The following ZMYND11 variants were observed in gnomAD, a reference collection of about 807,000 sequenced individuals.
The protein encoded by ZMYND11 is zinc finger MYND-type containing 11.
ZMYND11 carries 9 observed loss-of-function variants against 84.9 expected under a neutral mutation model. The observed-to-expected ratio is 0.11, with a 90% confidence interval of 0.06 to 0.18. ZMYND11 has a LOEUF of 0.18. Among genes scored for constraint, ZMYND11 ranks in the 10% least tolerant of loss-of-function variants. ZMYND11 has a pLI of 1.00. For synonymous variants in ZMYND11, 250 were observed against 244.1 expected, an observed-to-expected ratio of 1.02 and a Z score of -0.23; for missense variants, 409 against 761.0, an observed-to-expected ratio of 0.54 and a Z score of 5.44.
Position 252,492 on chromosome 10 carries a change from C to G in ZMYND11, c.*22C>G. 6.2e-7 allele frequency: 1 copy of G among 1,601,958 alleles called. No individual in the cohort carries two copies. Among genetic ancestry groups the G allele is most frequent in the East Asian group, 2.2e-5 (1 of 44,686 alleles). Reference sequence around the variant, plus strand: ...ATGAAGCTGGCCCTTCCCGGAGTCACCCCGATGATTACTCTTTTCAGACAC... The same window carrying G: ...ATGAAGCTGGCCCTTCCCGGAGTCAGCCCGATGATTACTCTTTTCAGACAC... On this transcript the variant is annotated 3_prime_UTR_variant, in exon 15 of 15. Transcript: ENST00000381604. This position sits in a 1 kb window ranked among gnomAD's most constrained non-coding sequence, Gnocchi z 4.6.
chr10:181,354 C>T (rs1564330908), intron 2 of ZMYND11, among the ~76,000 whole-genome samples: 3 of 152,186 alleles, frequency 2.0e-5, no homozygotes, highest in African/African-American at 7.2e-5. Context: ...CTCAGTGGCT[C>T]ACGCCTGTAA....
intron 1 of ZMYND11, among the ~76,000 whole-genome samples, chr10:162,076 G>A (rs1015075072): frequency 2.0e-5 from 3 of 152,068 alleles, no homozygotes; most frequent in Admixed American, 6.6e-5. Context: ...GTGACTCTTC[G>A]TTCACTTGAA....
At chr10:234,906 C>CCT (rs1453503407) in intron 4 of ZMYND11, among the ~76,000 whole-genome samples, 1 of 152,008 alleles carries the variant, frequency 6.6e-6, no homozygotes, top group Non-Finnish European at 1.5e-5. Flanking sequence ...TCCTGTGAGA[C>CCT]ATGCAGAATG....
rs552056109 is a variant in ZMYND11, at chr10:221,656, C to G, written c.438+300C>G. ...CCTTTGGACATCAGAAATACGAAACCTACTAACATCTGTTCAATAGCTACT... is the reference window on the plus strand; with the variant it reads ...CCTTTGGACATCAGAAATACGAAACGTACTAACATCTGTTCAATAGCTACT... On this transcript the variant is annotated intron_variant, in intron 4 of 14. Transcript: ENST00000381604. Among the ~76,000 whole-genome samples, 7 of 152,220 alleles carry G rather than the reference C, an allele frequency of 4.6e-5. No homozygotes were observed. The South Asian group carries it at 1.5e-3, about 32-fold the overall frequency.
intron 2 of ZMYND11, among the ~76,000 whole-genome samples, chr10:180,464 A>T (rs1171797484): frequency 6.6e-6 from 1 of 152,136 alleles, no homozygotes; most frequent in East Asian, 1.9e-4. Context: ...TGGTGACCCG[A>T]TCTCAGCTCA....
intron 1 of ZMYND11, among the ~76,000 whole-genome samples, chr10:163,269 T>A (rs1843305238): frequency 6.6e-6 from 1 of 152,200 alleles, no homozygotes; most frequent in South Asian, 2.1e-4. Context: ...GTTTTGATAG[T>A]CTAAGCTGTT....
chr10:249,393 G>T, intron 14 of ZMYND11: 1 of 1,098,316 alleles, frequency 9.1e-7, no homozygotes, highest in Non-Finnish European at 1.1e-6. Flanking sequence ...TTTGGGCAAA[G>T]TGGCTGGCCC....
At chr10:197,994 T>A (rs777902171) in intron 2 of ZMYND11, 19 of 629,460 alleles carry the variant, frequency 3.0e-5, no homozygotes, top group Admixed American at 4.7e-5. Flanking sequence ...GTTGTATCAT[T>A]GTTATAAACT....
upstream of ZMYND11, among the ~76,000 whole-genome samples, chr10:131,571 C>A (rs1214540314): frequency 2.0e-5 from 3 of 152,304 alleles, no homozygotes; most frequent in Admixed American, 2.0e-4. Flanking sequence ...GTTGTCCAGG[C>A]TGGAGTGCAG....
intron 4 of ZMYND11, among the ~76,000 whole-genome samples, chr10:223,032 C>CTT (rs11362687): frequency 7.2e-4 from 104 of 144,192 alleles, no homozygotes; most frequent in African/African-American, 2.4e-3. Flanking sequence ...TTCCTTTACT[C>CTT]TTTTTTTTTT....
chr10:240,916 G>T lies in ZMYND11; in HGVS notation c.777G>T (p.Lys259Asn). ...AGCTGGATGAACTGCAGCTTTGCAAGAATTGCTTTTACTTGTCAAATGCTC... is the reference window on the plus strand; with the variant it reads ...AGCTGGATGAACTGCAGCTTTGCAATAATTGCTTTTACTTGTCAAATGCTC... The part of the protein sequence containing the change: ...CHELDELQLC[K>N]NCFYLSNARP... Residue 259 changes from lysine to asparagine, a missense_variant, in exon 9 of 15, where the codon AAG becomes AAT. Coordinates refer to ENST00000381604, the MANE Select transcript of ZMYND11 (RefSeq NM_001370100.5). 6.2e-7 allele frequency: 1 copy of T among 1,613,550 alleles called. No individual in the cohort carries two copies. Among genetic ancestry groups the T allele is most frequent in the Non-Finnish European group, 8.5e-7 (1 of 1,179,896 alleles).
At chr10:195,381 TA>T (rs1400298008) in intron 2 of ZMYND11, among the ~76,000 whole-genome samples, 1 of 151,992 alleles carries the variant, frequency 6.6e-6, no homozygotes, top group Non-Finnish European at 1.5e-5. Context: ...CTGTAAAAAA[TA>T]AAAATAATGT....
rs752305116 is a variant in ZMYND11 at position 237,590 on chromosome 10, A to G, written c.522A>G (p.Ile174Met). ...ATGTACTAACACCCTCTTAGGCTAT[A>G]GATCTTAATAAAAAGGGGAAGGACA... ...FIVSRMKERAIDLNKKGKDNK... is the reference protein window; with the variant it reads ...FIVSRMKERAMDLNKKGKDNK... Residue 174 changes from isoleucine to methionine, a missense_variant, in exon 6 of 15, where the codon ATA (isoleucine) becomes ATG (methionine). By Grantham distance (10) the Ile-to-Met change is conservative. Coordinates refer to ENST00000381604, the MANE Select transcript of ZMYND11 (RefSeq NM_001370100.5). 22 of 1,610,108 alleles carry G rather than the reference A, an allele frequency of 1.4e-5. No individual in the cohort carries two copies. Among genetic ancestry groups the G allele is most frequent in the Admixed American group, 1.7e-5 (1 of 59,546 alleles).
intron 1 of ZMYND11, among the ~76,000 whole-genome samples, chr10:145,546 A>G (rs1554755059): frequency 6.6e-6 from 1 of 152,192 alleles, no homozygotes; most frequent in African/African-American, 2.4e-5. Flanking sequence ...CTCCGCATCC[A>G]TGCCAACACC....
At chr10:131,251 C>T (rs931582104), upstream of ZMYND11, among the ~76,000 whole-genome samples, 10 of 152,234 alleles carry the variant, frequency 6.6e-5, no homozygotes, top group African/African-American at 2.4e-4. Context: ...CAGGATCCTA[C>T]TTTTCCTTAA....
chr10:187,885 C>T (rs1279633810), intron 2 of ZMYND11, among the ~76,000 whole-genome samples: 1 of 151,930 alleles, frequency 6.6e-6, no homozygotes, highest in Non-Finnish European at 1.5e-5. Flanking sequence ...GGCCTATCAG[C>T]GAAAACATTT....
Position 239,542 on chromosome 10 carries a change from T to TTG in ZMYND11, c.697+18_697+19insGT. Reference sequence around the variant, plus strand: ...TCTATGGAGGTTGAATATTTTTGTTTTTTTTGTATGCATTTTTAAACACAC... The same window carrying TTG: ...TCTATGGAGGTTGAATATTTTTGTTTTGTTTTTGTATGCATTTTTAAACACAC... On this transcript the variant is annotated intron_variant, in intron 7 of 14. Coordinates refer to ENST00000381604, the MANE Select transcript of ZMYND11 (RefSeq NM_001370100.5). 1.3e-6 allele frequency: 2 copies of TTG among 1,574,336 alleles called. No individual in the cohort carries two copies. Among genetic ancestry groups the TTG allele is most frequent in the Non-Finnish European group, 1.7e-6 (2 of 1,150,834 alleles).
chr10:190,096 G>T (rs552413487), intron 2 of ZMYND11, among the ~76,000 whole-genome samples: 218 of 152,250 alleles, frequency 1.4e-3, no homozygotes, highest in Admixed American at 5.5e-3. Context: ...AATATTTTTT[G>T]AATGTAGAAA....
chr10:159,913 A>T (rs9419496), intron 1 of ZMYND11, among the ~76,000 whole-genome samples: 7 of 151,958 alleles, frequency 4.6e-5, no homozygotes, highest in Admixed American at 3.9e-4. Flanking sequence ...ATCATATCAT[A>T]GGTGCCATCT....
Sources: allele counts gnomAD v4.1 joint callset (sites outside exome capture counted in the v4.1 genomes callset), GRCh38; gene constraint gnomAD v4.1.1; non-coding constraint Gnocchi (gnomAD v3.1); transcripts MANE v1.5; gene names NCBI Gene and HGNC (gene_info 2026-07-23, HGNC 2026-07-21).